The following EML6 variants were observed in gnomAD, a reference collection of about 807,000 sequenced individuals.
EML6 encodes EMAP like 6.
In EML6, 154 loss-of-function variants were observed where a neutral mutation model predicts 240.1. The observed-to-expected ratio is 0.64, with a 90% CI of 0.56 to 0.73. The LOEUF (loss-of-function observed/expected upper bound fraction) is 0.73. Ranked by LOEUF, EML6 falls within the 30% of genes least tolerant of loss-of-function variation. The pLI is 0.00. For missense variants in EML6, 2,964 were observed against 2,474.6 expected (o/e 1.20, Z -4.20); for synonymous variants, 1,148 against 899.0 (o/e 1.28, Z -4.95).
Position 54,827,714 on chromosome 2 carries a change from G to A in EML6, c.674G>A (p.Gly225Glu). The change falls in exon 6 of 42, where the codon GGG (glycine) becomes GAG (glutamate). Residue 225 changes from glycine to glutamate, a missense_variant. Coordinates refer to ENST00000356458, the MANE Select transcript of EML6 (RefSeq NM_001039753.4). ...ALNGDIYVWKGLNLVRTIQGA... is the reference protein window; with the variant it reads ...ALNGDIYVWKELNLVRTIQGA... Reference sequence around the variant, plus strand: ...AATGGTGACATCTATGTCTGGAAAGGGCTCAATTTAGTCCGCACCATTCAA... The same window carrying A: ...AATGGTGACATCTATGTCTGGAAAGAGCTCAATTTAGTCCGCACCATTCAA... 6.4e-7 allele frequency: 1 copy of A among 1,551,604 alleles called. No homozygotes were observed. The highest frequency in any genetic ancestry group is 1.2e-5 in the South Asian group (1 of 84,044).
At chr2:54,896,075 G>A (rs560642727) in intron 21 of EML6, among the ~76,000 whole-genome samples, 4 of 152,164 alleles carry the variant, frequency 2.6e-5, no homozygotes, top group East Asian at 1.9e-4. Context: ...GAGGGTCACC[G>A]TCACTGGCCA....
intron 2 of EML6, among the ~76,000 whole-genome samples, chr2:54,784,657 A>T (rs1668999018): frequency 6.6e-6 from 1 of 152,164 alleles, no homozygotes; most frequent in Non-Finnish European, 1.5e-5. Context: ...GTCCATTAAC[A>T]CATATTTTCT....
In EML6 at chr2:54,903,070, G is replaced by T; in HGVS notation, c.3151G>T (p.Asp1051Tyr). Residue 1051 changes from aspartate to tyrosine, a missense_variant, in exon 23 of 42, where the codon GAT (aspartate) becomes TAT (tyrosine). Coordinates refer to ENST00000356458, the MANE Select transcript of EML6 (RefSeq NM_001039753.4). ...TGGAAGATGCTGTGCCTTTTCCCCT[G>T]ATGGGAAAGCCTTAGCGGTTGGCTT... is the stretch of plus-strand genomic sequence containing the variant. ...KGGRCCAFSPDGKALAVGLND... is the reference protein window; with the variant it reads ...KGGRCCAFSPYGKALAVGLND... 1 of 1,551,730 alleles carries T rather than the reference G, an allele frequency of 6.4e-7. No homozygotes were observed. The highest frequency in any genetic ancestry group is 1.2e-5 in the South Asian group (1 of 84,052).
chr2:54,910,679 ATAT>A (rs10618409), intron 24 of EML6, among the ~76,000 whole-genome samples: 52,149 of 151,892 alleles, frequency 0.34, 9,465 homozygotes, highest in South Asian at 0.53. Context: ...TCAGTGCAGC[ATAT>A]CAATAAAACA....
chr2:54,941,760 A>G (rs1675438749), intron 28 of EML6, among the ~76,000 whole-genome samples: 1 of 152,176 alleles, frequency 6.6e-6, no homozygotes, highest in Non-Finnish European at 1.5e-5. Flanking sequence ...GTGATGGCAC[A>G]CGCGTAGTGC....
intron 31 of EML6, among the ~76,000 whole-genome samples, chr2:54,952,921 C>G (rs770135848): frequency 6.6e-6 from 1 of 152,148 alleles, no homozygotes; most frequent in South Asian, 2.1e-4. Context: ...TCCAAATAAA[C>G]GTTGGCCCCC....
At chr2:54,838,683 G>T (rs890745248) in intron 7 of EML6, among the ~76,000 whole-genome samples, 1 of 152,148 alleles carries the variant, frequency 6.6e-6, no homozygotes, top group African/African-American at 2.4e-5. Context: ...GTGAGGATTT[G>T]GTCTTGGCAT....
chr2:54,906,237 T>C (rs1255412665), intron 24 of EML6, among the ~76,000 whole-genome samples: 1 of 152,242 alleles, frequency 6.6e-6, no homozygotes, highest in East Asian at 1.9e-4. Context: ...ATATGAAGTG[T>C]ATCTCATTTT....
rs1448730463 is a variant in EML6 at position 54,850,148 on chromosome 2, C to T, written c.1374C>T (p.Asp458=). 4 of 1,551,538 alleles carry T rather than the reference C, an allele frequency of 2.6e-6. No homozygotes were observed. In the African/African-American group the frequency reaches 5.5e-5, roughly 21 times the overall value. Residue 458 remains aspartate, a synonymous_variant, in exon 10 of 42, where the codon GAC becomes GAT. Transcript: ENST00000356458. The part of the protein sequence containing the change: ...SKSLSFITHI[D]WSLDSKYLQT... ...CCCTTAGTTTCATCACGCATATTGA[C>T]TGGTCCTTGGATAGTAAATACTTAC...
At chr2:54,843,832 A>T (rs1669595451) in intron 7 of EML6, among the ~76,000 whole-genome samples, 1 of 122,948 alleles carries the variant, frequency 8.1e-6, no homozygotes, top group Non-Finnish European at 1.7e-5. Context: ...GTGACAGAGC[A>T]AGACTCCATC....
intron 2 of EML6, among the ~76,000 whole-genome samples, chr2:54,775,682 C>T (rs1668568952): frequency 2.0e-5 from 3 of 152,028 alleles, no homozygotes; most frequent in Admixed American, 6.6e-5. Flanking sequence ...TTGCTATATC[C>T]CCAGGAGAGT....
chr2:54,958,933 T>C (rs1334096315), intron 33 of EML6, among the ~76,000 whole-genome samples, 171 bp from the exon 34 acceptor site: 1 of 152,206 alleles, frequency 6.6e-6, no homozygotes, highest in African/African-American at 2.4e-5. Context: ...TGCCTTGTGA[T>C]GTGCTCTCGG....
At chr2:54,912,845 T>C (rs1378683672) in intron 25 of EML6, among the ~76,000 whole-genome samples, 1 of 152,244 alleles carries the variant, frequency 6.6e-6, no homozygotes, top group East Asian at 1.9e-4. Flanking sequence ...AGCTTTGCTA[T>C]TGTGAATAGT....
At chr2:54,788,433 G>T (rs948972379) in intron 2 of EML6, among the ~76,000 whole-genome samples, 4 of 152,196 alleles carry the variant, frequency 2.6e-5, no homozygotes, top group African/African-American at 9.7e-5. Flanking sequence ...TGTGAGAGGG[G>T]CATCTGGTCA....
intron 16 of EML6, 43 bp downstream of exon 16, chr2:54,871,648 G>C (rs1285266035): frequency 7.2e-7 from 1 of 1,384,958 alleles, no homozygotes; most frequent in Non-Finnish European, 1.0e-6. Context: ...CGTTGAGAGA[G>C]AGAGAGACAC....
intron 9 of EML6, among the ~76,000 whole-genome samples, chr2:54,848,813 CAA>C (rs1021054420): frequency 2.0e-5 from 3 of 152,022 alleles, no homozygotes; most frequent in African/African-American, 7.2e-5. Flanking sequence ...TGGTCAGAAA[CAA>C]AACAAAATAT....
rs559265102 is a variant in EML6, at chr2:54,823,493, G to A, written c.525+3031G>A. ...GGGAACAAATATTTTGAAAGATGGCGGCCACAAAATAAACTAGCCAATAAA... is the reference window on the plus strand; with the variant it reads ...GGGAACAAATATTTTGAAAGATGGCAGCCACAAAATAAACTAGCCAATAAA... On this transcript the variant is annotated intron_variant, in intron 5 of 41. Transcript: ENST00000356458. 1.5e-3 allele frequency among the ~76,000 whole-genome samples: 232 copies of A among 152,102 alleles called. 1 individual carries two copies. Among genetic ancestry groups the A allele is most frequent in the African/African-American group, 5.3e-3 (219 of 41,456 alleles).
At chr2:54,819,784 A>AAAAG (rs1448138413) in intron 4 of EML6, among the ~76,000 whole-genome samples, 2 of 151,648 alleles carry the variant, frequency 1.3e-5, no homozygotes, top group Non-Finnish European at 2.9e-5. Flanking sequence ...AAAAAAAAAA[A>AAAAG]AAAAAAGACA....
chr2:54,799,093 T>G (rs1374940910), intron 2 of EML6, among the ~76,000 whole-genome samples: 1 of 152,076 alleles, frequency 6.6e-6, no homozygotes, highest in Non-Finnish European at 1.5e-5. Flanking sequence ...CGGAGTCTTG[T>G]TCTGTCTCCC....
Sources: allele counts gnomAD v4.1 joint callset (sites outside exome capture counted in the v4.1 genomes callset), GRCh38; gene constraint gnomAD v4.1.1; transcripts MANE v1.5; gene names NCBI Gene and HGNC (gene_info 2026-07-23, HGNC 2026-07-21).